Variants in ABCC4 observed in about 807,000 individuals in gnomAD.
The protein encoded by ABCC4 is ATP-binding cassette sub-family C member 4.
In ABCC4, 102 loss-of-function variants were observed where a neutral mutation model predicts 168.5. That is an observed-to-expected ratio of 0.61 (90% CI 0.52 to 0.71). The LOEUF (loss-of-function observed/expected upper bound fraction) is 0.71, where lower values mean the gene tolerates loss of function less well. Among genes scored for constraint, ABCC4 ranks in the 30% least tolerant of loss-of-function variants. ABCC4 has a pLI of 0.00. For missense variants in ABCC4, 1,402 were observed against 1,605.8 expected (o/e 0.87, Z 2.17); for synonymous variants, 617 against 590.7 (o/e 1.04, Z -0.65).
At chr13:95,259,645 C>T (rs991648551) in intron 1 of ABCC4, among the ~76,000 whole-genome samples, 33 of 152,172 alleles carry the variant, frequency 2.2e-4, no homozygotes, top group Admixed American at 5.9e-4. Context: ...AAGTTTTTTA[C>T]AGCCTTTCTG....
chr13:95,100,525 T>A (rs1330147491), intron 20 of ABCC4, among the ~76,000 whole-genome samples: 2 of 152,176 alleles, frequency 1.3e-5, no homozygotes, highest in African/African-American at 4.8e-5. Context: ...GTGAATCCTA[T>A]CATCCTGATC....
intron 20 of ABCC4, among the ~76,000 whole-genome samples, chr13:95,088,932 T>A (rs2034343309): frequency 6.6e-6 from 1 of 151,338 alleles, no homozygotes; most frequent in Non-Finnish European, 1.5e-5. Context: ...AAAAAACTGA[T>A]GAAATCAATA....
rs967729084 is a variant in ABCC4 at position 95,059,511 on chromosome 13, G to A, written c.3366+3193C>T. 2.0e-5 allele frequency among the ~76,000 whole-genome samples: 3 copies of A among 152,336 alleles called. No individual in the cohort carries two copies. In the East Asian group the frequency reaches 5.8e-4, roughly 29 times the overall value. On this transcript the variant is annotated intron_variant, in intron 26 of 30. Coordinates refer to ENST00000645237, the MANE Select transcript of ABCC4 (RefSeq NM_005845.5). ...GCTCGCGAAATGCAAAGCATTAGAGGGGTACTGAGAGTGGTGAGGAATGCC... is the reference window on the plus strand; with the variant it reads ...GCTCGCGAAATGCAAAGCATTAGAGAGGTACTGAGAGTGGTGAGGAATGCC...
intron 9 of ABCC4, among the ~76,000 whole-genome samples, chr13:95,191,459 A>G (rs1256396701): frequency 6.6e-6 from 1 of 152,214 alleles, no homozygotes; most frequent in African/African-American, 2.4e-5. Flanking sequence ...TCCTTCATAC[A>G]TGCCTAACAA....
At chr13:95,291,440 C>T (rs572740724) in intron 1 of ABCC4, among the ~76,000 whole-genome samples, 9 of 152,074 alleles carry the variant, frequency 5.9e-5, no homozygotes, top group African/African-American at 1.9e-4. Context: ...CCATATGACA[C>T]GACCTCTCTT....
chr13:95,297,875 C>CAT (rs2041575537), intron 1 of ABCC4, among the ~76,000 whole-genome samples: 1 of 152,128 alleles, frequency 6.6e-6, no homozygotes, highest in African/African-American at 2.4e-5. Context: ...GGGGTGGGAA[C>CAT]TACGAGGTGA....
intron 19 of ABCC4, among the ~76,000 whole-genome samples, chr13:95,131,882 A>C (rs1183019620): frequency 2.0e-5 from 3 of 152,198 alleles, no homozygotes; most frequent in Admixed American, 6.5e-5. Flanking sequence ...AATGAAAAAA[A>C]AAATATGACA....
At chr13:95,062,886 TA>T (rs4148537) in intron 25 of ABCC4, 27 bp from the exon 26 acceptor site, 3,224 of 1,347,092 alleles carry the variant, frequency 2.4e-3, no homozygotes, top group Admixed American at 6.9e-3. Context: ...GCGGCAGGAT[TA>T]AAAAAAAAAA....
At chr13:95,118,869 C>T (rs1336982477) in intron 19 of ABCC4, among the ~76,000 whole-genome samples, 1 of 152,194 alleles carries the variant, frequency 6.6e-6, no homozygotes, top group African/African-American at 2.4e-5. Flanking sequence ...CCCTTACAAC[C>T]ATACAAAGTG....
intron 30 of ABCC4, among the ~76,000 whole-genome samples, chr13:95,029,197 TATATATATATATATATAGAGAG>T (rs1566355276): frequency 2.1e-4 from 16 of 77,154 alleles, no homozygotes; most frequent in African/African-American, 9.5e-4. Flanking sequence ...TATATATATA[TATATATATATATATATAGAGAG>T]AGAGAGAGAG....
intron 3 of ABCC4, among the ~76,000 whole-genome samples, chr13:95,241,381 A>G (rs1032022702): frequency 2.7e-5 from 4 of 149,180 alleles, no homozygotes; most frequent in Non-Finnish European, 4.5e-5. Flanking sequence ...AAAAAAAAAT[A>G]CACATCTCAT....
intron 30 of ABCC4, among the ~76,000 whole-genome samples, chr13:95,028,059 TC>T (rs1419526977): frequency 2.0e-5 from 3 of 149,086 alleles, no homozygotes; most frequent in African/African-American, 7.3e-5. Flanking sequence ...ATTACACGAA[TC>T]AAAGAAAGGT....
At chr13:95,129,406 T>C (rs1395649257) in intron 19 of ABCC4, among the ~76,000 whole-genome samples, 1 of 152,218 alleles carries the variant, frequency 6.6e-6, no homozygotes, top group Non-Finnish European at 1.5e-5. Flanking sequence ...GTTATCCATT[T>C]GTTGGTCTTT....
intron 8 of ABCC4, among the ~76,000 whole-genome samples, chr13:95,195,636 GTTA>G (rs1168716084): frequency 1.3e-5 from 2 of 151,732 alleles, no homozygotes; most frequent in African/African-American, 4.8e-5. Context: ...TATTATTATT[GTTA>G]TTATTATTAT....
intron 20 of ABCC4, among the ~76,000 whole-genome samples, chr13:95,112,289 G>T (rs560853616): frequency 4.6e-5 from 7 of 151,858 alleles, no homozygotes; most frequent in African/African-American, 1.7e-4. Flanking sequence ...GGGGGCAAAG[G>T]TTGCAGTGAG....
intron 4 of ABCC4, among the ~76,000 whole-genome samples, chr13:95,214,955 G>A (rs941629110): frequency 1.3e-5 from 2 of 150,358 alleles, no homozygotes; most frequent in African/African-American, 4.9e-5. Context: ...TTTAAAATAT[G>A]AGGGTGAAAT....
intron 20 of ABCC4, among the ~76,000 whole-genome samples, chr13:95,102,525 C>A (rs1285239174): frequency 1.3e-5 from 2 of 152,120 alleles, no homozygotes; most frequent in Non-Finnish European, 2.9e-5. Context: ...CTTGAGCAAT[C>A]CTCTCACTTC....
rs796474163 is a variant in ABCC4, at chr13:95,029,170, A to ATATC, written c.3870+5434_3870+5435insGATA. On this transcript the variant is annotated intron_variant, in intron 30 of 30. Transcript: ENST00000645237. Reference sequence around the variant, plus strand: ...TGAAACTGCTTTAAAAAAAATACATATATATATATATATATATATATATAT... The same window carrying ATATC: ...TGAAACTGCTTTAAAAAAAATACATATATCTATATATATATATATATATATATAT... Among the ~76,000 whole-genome samples the ATATC allele has an allele frequency of 7.7e-4, 7 of 9,076 alleles. 1 individual carries two copies. Among genetic ancestry groups the ATATC allele is most frequent in the African/African-American group, 2.2e-3 (7 of 3,228 alleles). 6.0% of individuals were successfully genotyped at this position (9,076 alleles called of 152,430 possible).
intron 20 of ABCC4, among the ~76,000 whole-genome samples, chr13:95,099,477 A>T (rs1044642184): frequency 6.6e-6 from 1 of 152,228 alleles, no homozygotes; most frequent in African/African-American, 2.4e-5. Context: ...ATTTTATTGT[A>T]TATAAACTAT....
Sources: allele counts gnomAD v4.1 joint callset (sites outside exome capture counted in the v4.1 genomes callset), GRCh38; gene constraint gnomAD v4.1.1; transcripts MANE v1.5; gene names NCBI Gene and HGNC (gene_info 2026-07-23, HGNC 2026-07-21).